The following BTBD9 variants were observed in gnomAD, a reference collection of about 807,000 sequenced individuals.
BTBD9 encodes BTB domain containing 9.
Under a neutral mutation model 64.3 loss-of-function variants are expected in BTBD9, and 49 were observed. The ratio of observed to expected loss-of-function variants is 0.76; its 90% confidence interval spans 0.61 to 0.97. The LOEUF is 0.97. Ranked by LOEUF, BTBD9 falls within the 50% of genes least tolerant of loss-of-function variation. The pLI is 0.00. For missense variants in BTBD9, 598 were observed against 762.1 expected, an observed-to-expected ratio of 0.78 and a Z score of 2.53; for synonymous variants, 260 against 274.7, an observed-to-expected ratio of 0.95 and a Z score of 0.53.
intron 6 of BTBD9, among the ~76,000 whole-genome samples, chr6:38,502,429 G>T (rs1486539051): frequency 2.6e-5 from 4 of 152,134 alleles, no homozygotes; most frequent in Admixed American, 2.0e-4. Flanking sequence ...TTTATTAAAA[G>T]AAAAGCTTTC....
chr6:38,244,252 A>T (rs1480238075), intron 9 of BTBD9, among the ~76,000 whole-genome samples: 1 of 152,028 alleles, frequency 6.6e-6, no homozygotes, highest in Non-Finnish European at 1.5e-5. Flanking sequence ...ATTTCAGGGG[A>T]GGGGTTAATC....
chr6:38,337,690 T>G (rs573471246), intron 7 of BTBD9, among the ~76,000 whole-genome samples: 1 of 152,322 alleles, frequency 6.6e-6, no homozygotes, highest in Non-Finnish European at 1.5e-5. Flanking sequence ...TTGAATCAGA[T>G]GGTAAGTTTC....
intron 8 of BTBD9, among the ~76,000 whole-genome samples, chr6:38,285,077 G>A (rs1457795551): frequency 2.0e-5 from 3 of 152,140 alleles, no homozygotes; most frequent in Non-Finnish European, 4.4e-5. Flanking sequence ...GCCTTAGTCT[G>A]AACTGTCTCC....
intron 5 of BTBD9, 102 bp from the exon 6 acceptor site, chr6:38,577,821 C>A: frequency 9.9e-7 from 1 of 1,011,356 alleles, no homozygotes; most frequent in East Asian, 2.6e-5. Flanking sequence ...ATACAGAATT[C>A]ACTAATTACA....
chr6:38,327,163 G>C (rs1159036389), intron 7 of BTBD9, among the ~76,000 whole-genome samples: 1 of 151,988 alleles, frequency 6.6e-6, no homozygotes, highest in African/African-American at 2.4e-5. Context: ...TTGTAGCACT[G>C]TACCAAATCC....
intron 8 of BTBD9, among the ~76,000 whole-genome samples, chr6:38,274,267 A>ATG (rs1765297756): frequency 6.6e-6 from 1 of 152,232 alleles, no homozygotes; most frequent in Non-Finnish European, 1.5e-5. Flanking sequence ...TATCAGCTTA[A>ATG]GGAGATTTTG....
rs34465570 is a variant in BTBD9 at position 38,545,855 on chromosome 6, T to TACACACACACAC, written c.1154+31733_1154+31744dup. Among the ~76,000 whole-genome samples, 236 of 130,632 alleles carry TACACACACACAC rather than the reference T, an allele frequency of 1.8e-3. 3 individuals carry two copies. The highest frequency in any genetic ancestry group is 4.1e-3 in the Middle Eastern group (1 of 244). 85.7% of individuals were successfully genotyped at this position (130,632 alleles called of 152,430 possible). The stretch of plus-strand genomic sequence containing the variant: ...TATTTAAAACACACACACACACACA[T>TACACACACACAC]ACACACACACACACACACACACACA... On this transcript the variant is annotated intron_variant, in intron 6 of 10. Transcript: ENST00000481247.
chr6:38,481,166 A>G (rs1462332888), intron 6 of BTBD9, among the ~76,000 whole-genome samples: 1 of 152,240 alleles, frequency 6.6e-6, no homozygotes, highest in African/African-American at 2.4e-5. Flanking sequence ...GGGAAAGAAG[A>G]GAGAAGAATG....
intron 7 of BTBD9, among the ~76,000 whole-genome samples, chr6:38,340,029 G>A (rs181487006): frequency 4.5e-4 from 68 of 152,230 alleles, no homozygotes; most frequent in African/African-American, 1.6e-3. Context: ...ATATTGTACT[G>A]TATCACTGAT....
intron 7 of BTBD9, among the ~76,000 whole-genome samples, chr6:38,324,780 C>G (rs534346652): frequency 6.6e-6 from 1 of 152,258 alleles, no homozygotes; most frequent in East Asian, 1.9e-4. Context: ...TACTTTAGTA[C>G]TCAGGCATCT....
intron 1 of BTBD9, among the ~76,000 whole-genome samples, chr6:38,613,968 G>C (rs1739629): frequency 0.67 from 102,209 of 151,948 alleles, 35,056 homozygotes; most frequent in African/African-American, 0.82. Context: ...TCACCAGAAC[G>C]CTTACCACCA....
At chr6:38,260,035 T>C (rs1736779843) in intron 8 of BTBD9, among the ~76,000 whole-genome samples, 1 of 152,226 alleles carries the variant, frequency 6.6e-6, no homozygotes, top group Non-Finnish European at 1.5e-5. Context: ...AGTCAGCCTA[T>C]GCTAATTTAT....
At chr6:38,204,392 A>C (rs1762567174) in intron 9 of BTBD9, among the ~76,000 whole-genome samples, 1 of 152,340 alleles carries the variant, frequency 6.6e-6, no homozygotes, top group East Asian at 1.9e-4. Flanking sequence ...CAGCAATAAT[A>C]AGATTTTGAT....
rs151017648 is a variant in BTBD9 at position 38,219,088 on chromosome 6, G to T, written c.1563-26491C>A. Among the ~76,000 whole-genome samples the T allele has an allele frequency of 2.0e-5, 3 of 151,344 alleles. 1 individual carries two copies. In the East Asian group the frequency reaches 5.8e-4, roughly 29 times the overall value. Reference sequence around the variant, plus strand: ...TATTTCTTCAGAAGGAGGATGAGGAGAGGGACAGATAGTATTAAGTCATTA... The same window carrying T: ...TATTTCTTCAGAAGGAGGATGAGGATAGGGACAGATAGTATTAAGTCATTA... On this transcript the variant is annotated intron_variant, in intron 9 of 10. Coordinates refer to ENST00000481247, the MANE Select transcript of BTBD9 (RefSeq NM_001099272.2).
At chr6:38,344,288 G>A (rs1050804011) in intron 7 of BTBD9, among the ~76,000 whole-genome samples, 7 of 152,012 alleles carry the variant, frequency 4.6e-5, no homozygotes, top group African/African-American at 7.3e-5. Context: ...TGTGCACAAC[G>A]CCCAGACTAC....
chr6:38,633,342 T>A (rs1778422843), intron 1 of BTBD9, among the ~76,000 whole-genome samples: 1 of 152,202 alleles, frequency 6.6e-6, no homozygotes, highest in African/African-American at 2.4e-5. Context: ...AGACAAACAG[T>A]TCCCATTCTG....
intron 7 of BTBD9, among the ~76,000 whole-genome samples, chr6:38,329,259 C>T (rs1396569203): frequency 1.3e-5 from 2 of 150,818 alleles, no homozygotes; most frequent in Non-Finnish European, 2.9e-5. Flanking sequence ...CTGAATATTC[C>T]TTTAGGATGA....
chr6:38,443,902 C>T (rs776563081), intron 6 of BTBD9, among the ~76,000 whole-genome samples: 5 of 152,200 alleles, frequency 3.3e-5, no homozygotes, highest in African/African-American at 7.2e-5. Context: ...TTCTTCAAAA[C>T]GGAGCGGTTT....
intron 9 of BTBD9, among the ~76,000 whole-genome samples, chr6:38,251,303 C>T (rs9470839): frequency 0.48 from 70,497 of 148,262 alleles, 17,361 homozygotes; most frequent in Non-Finnish European, 0.52. Flanking sequence ...TGCGCTCTGT[C>T]GCCCAGGATG....
Sources: allele counts gnomAD v4.1 joint callset (sites outside exome capture counted in the v4.1 genomes callset), GRCh38; gene constraint gnomAD v4.1.1; transcripts MANE v1.5; gene names NCBI Gene and HGNC (gene_info 2026-07-23, HGNC 2026-07-21).